Variants in CCDC167 observed in about 807,000 individuals in gnomAD.
CCDC167 encodes the protein coiled-coil domain containing 167, also known as coiled-coil domain-containing protein 167.
CCDC167 carries 15 observed loss-of-function variants against 12.7 expected under a neutral mutation model. That is an observed-to-expected ratio of 1.18 (90% confidence interval 0.79 to 1.81). The LOEUF is 1.81. Among genes scored for constraint, CCDC167 ranks in the 40% most tolerant of loss-of-function variants. The pLI, the probability that CCDC167 is intolerant of heterozygous loss-of-function variation, is 0.00. For missense variants in CCDC167, 121 were observed against 120.1 expected, an observed-to-expected ratio of 1.01 and a Z score of -0.03; for synonymous variants, 52 against 49.0, an observed-to-expected ratio of 1.06 and a Z score of -0.26.
At chr6:37,491,615 G>C (rs1762023555) in intron 1 of CCDC167, among the ~76,000 whole-genome samples, 1 of 152,284 alleles carries the variant, frequency 6.6e-6, no homozygotes, top group Admixed American at 6.5e-5. Context: ...CAGGGTAGCT[G>C]AGCCGAGCCA....
At chr6:37,488,283 C>A (rs1050068339) in intron 1 of CCDC167, among the ~76,000 whole-genome samples, 3 of 152,178 alleles carry the variant, frequency 2.0e-5, no homozygotes, top group Non-Finnish European at 2.9e-5. Context: ...GGCTACAGAG[C>A]AGAGCTGACA....
At chr6:37,498,357 A>G (rs1172854236) in intron 1 of CCDC167, among the ~76,000 whole-genome samples, 1 of 152,170 alleles carries the variant, frequency 6.6e-6, no homozygotes, top group African/African-American at 2.4e-5. Flanking sequence ...TGCAGGTTAC[A>G]AAGTCTATGT....
In CCDC167 at chr6:37,484,808, A is replaced by T. The variant is rs757640437; in HGVS notation, c.190+2T>A. On this transcript the variant is annotated splice_donor_variant, in intron 3 of 3. Coordinates refer to ENST00000373408, the MANE Select transcript of CCDC167 (RefSeq NM_138493.3). LOFTEE classifies it high-confidence loss of function. ...GCTGGTAACTGAAAGGAACTTTCTTACCGTAGTTGGAGGCTTTGTTCATTA... is the reference window on the plus strand; with the variant it reads ...GCTGGTAACTGAAAGGAACTTTCTTTCCGTAGTTGGAGGCTTTGTTCATTA... 6.2e-7 allele frequency: 1 copy of T among 1,614,142 alleles called. No individual in the cohort carries two copies. The highest frequency in any genetic ancestry group is 1.3e-5 in the African/African-American group (1 of 75,030).
In CCDC167 at chr6:37,499,874, G is replaced by T. The variant is rs1379246922; in HGVS notation, c.-11C>A. 1 of 1,614,064 alleles carries T rather than the reference G, an allele frequency of 6.2e-7. No homozygotes were observed. Among genetic ancestry groups the T allele is most frequent in the African/African-American group, 1.3e-5 (1 of 75,018 alleles). The stretch of plus-strand genomic sequence containing the variant: ...CTTCTTTTTAGTCATGTTACTTGCC[G>T]GGATCCCCCAGTCATCACTGGACGC... On this transcript the variant is annotated 5_prime_UTR_variant, in exon 1 of 4. Transcript: ENST00000373408.
At chr6:37,483,341 T>C in intron 3 of CCDC167, 52 bp from the exon 4 acceptor site, 2 of 1,263,016 alleles carry the variant, frequency 1.6e-6, no homozygotes, top group Non-Finnish European at 2.3e-6. Flanking sequence ...GGCCCGTCTG[T>C]TCTGCTCTGC....
At chr6:37,498,576 C>T (rs1762126582) in intron 1 of CCDC167, among the ~76,000 whole-genome samples, 1 of 151,352 alleles carries the variant, frequency 6.6e-6, no homozygotes, top group Non-Finnish European at 1.5e-5. Flanking sequence ...AATCCCAGCA[C>T]TTTGGGAGGC....
chr6:37,499,837 CA>C lies in CCDC167; in HGVS notation c.26del (p.Leu9ArgfsTer5). The C allele has an allele frequency of 6.2e-7, 1 of 1,614,172 alleles. No homozygotes were observed. The highest frequency in any genetic ancestry group is 8.5e-7 in the Non-Finnish European group (1 of 1,180,032). On this transcript the variant is annotated frameshift_variant, in exon 1 of 4. Transcript: ENST00000373408. LOFTEE classifies it high-confidence loss of function. The stretch of plus-strand genomic sequence containing the variant: ...TTCCCCTCACCTCTAGAGCGACGCC[CA>C]GATTCTCCCGCTTCTTTTTAGTCAT... MTKKKREN[L>X]GVALEIDGLE...
intron 1 of CCDC167, among the ~76,000 whole-genome samples, chr6:37,494,753 A>C (rs1233512945): frequency 6.6e-6 from 1 of 151,562 alleles, no homozygotes; most frequent in Admixed American, 6.6e-5. Flanking sequence ...AGAAATACCA[A>C]CTCTGACATA....
intron 1 of CCDC167, among the ~76,000 whole-genome samples, chr6:37,495,431 A>G (rs2113909950): frequency 6.6e-6 from 1 of 152,364 alleles, no homozygotes; most frequent in Admixed American, 6.5e-5. Flanking sequence ...ATCAGTTTAG[A>G]CTGAAATTCA....
Position 37,483,114 on chromosome 6 carries a change from C to T in CCDC167, c.*72G>A. On this transcript the variant is annotated 3_prime_UTR_variant, in exon 4 of 4. Transcript: ENST00000373408. ...CCCCAGCACCTTGGTCCTATTGAGGCTTGAAGTGCCTGCTTGATCCTGATC... is the reference window on the plus strand; with the variant it reads ...CCCCAGCACCTTGGTCCTATTGAGGTTTGAAGTGCCTGCTTGATCCTGATC... 1 of 1,191,384 alleles carries T rather than the reference C, an allele frequency of 8.4e-7. No homozygotes were observed. Among genetic ancestry groups the T allele is most frequent in the Non-Finnish European group, 1.3e-6 (1 of 795,694 alleles). 73.8% of individuals were successfully genotyped at this position (1,191,384 alleles called of 1,614,324 possible).
intron 1 of CCDC167, among the ~76,000 whole-genome samples, chr6:37,487,227 C>G (rs977285820): frequency 6.6e-6 from 1 of 152,228 alleles, no homozygotes; most frequent in Non-Finnish European, 1.5e-5. Flanking sequence ...TATATGTGAA[C>G]TGCCTGGTCC....
chr6:37,494,019 C>T (rs1240407376), intron 1 of CCDC167, among the ~76,000 whole-genome samples: 3 of 151,850 alleles, frequency 2.0e-5, no homozygotes, highest in Non-Finnish European at 4.4e-5. Context: ...CCATTCTCTC[C>T]CCTCAGCCTA....
At chr6:37,497,830 C>T (rs1179649644) in intron 1 of CCDC167, among the ~76,000 whole-genome samples, 1 of 152,008 alleles carries the variant, frequency 6.6e-6, no homozygotes, top group Admixed American at 6.6e-5. Flanking sequence ...ACACTCCAGC[C>T]TGGGCGAGAG....
At chr6:37,495,575 C>G in intron 1 of CCDC167, among the ~76,000 whole-genome samples, 1 of 152,154 alleles carries the variant, frequency 6.6e-6, no homozygotes, top group East Asian at 1.9e-4. Context: ...ACTCTGAGAT[C>G]TCATATGGTG....
In CCDC167 at chr6:37,484,831, T is replaced by A. The variant is rs755261513; in HGVS notation, c.169A>T (p.Met57Leu). ...TTACCGTAGTTGGAGGCTTTGTTCA[T>A]TAGGCTGTTTTTCTCCTTCTCCAGG... ...RSLEKEKNSL[M>L]NKASNYEKEL... is the part of the protein sequence containing the mutation. Residue 57 changes from methionine to leucine, a missense_variant, in exon 3 of 4, where the codon ATG becomes TTG. Met to Leu is a conservative substitution (Grantham distance 15, BLOSUM62 2). Transcript: ENST00000373408. 1 of 1,614,250 alleles carries A rather than the reference T, an allele frequency of 6.2e-7. No homozygotes were observed. Among genetic ancestry groups the A allele is most frequent in the Non-Finnish European group, 8.5e-7 (1 of 1,180,024 alleles).
Position 37,482,951 on chromosome 6 carries a change from C to T in CCDC167, c.*235G>A. 5.3e-6 allele frequency: 3 copies of T among 563,548 alleles called. No homozygotes were observed. In the East Asian group the frequency reaches 1.0e-4, roughly 19 times the overall value. The allele number at this position is 563,548 out of a possible 1,614,324, so 34.9% of individuals were successfully genotyped here. On this transcript the variant is annotated 3_prime_UTR_variant, in exon 4 of 4. Transcript: ENST00000373408. ...CAGCAGACGGGAACAGCTTTGTGTT[C>T]TTTATTGCCTCTCCCTTGGGCTAAG...
intron 1 of CCDC167, among the ~76,000 whole-genome samples, chr6:37,492,687 TCCAGCC>T (rs1188577324): frequency 6.6e-6 from 1 of 152,198 alleles, no homozygotes; most frequent in Non-Finnish European, 1.5e-5. Context: ...CTGTTTCATC[TCCAGCC>T]CCAGCAGCCT....
chr6:37,484,639 C>T (rs752745801), intron 3 of CCDC167, among the ~76,000 whole-genome samples, 171 bp downstream of exon 3: 8 of 152,374 alleles, frequency 5.3e-5, no homozygotes, highest in African/African-American at 9.6e-5. Context: ...AACAAACCTG[C>T]TCTCCCGCAG....
At chr6:37,490,463 C>A (rs1233014356) in intron 1 of CCDC167, among the ~76,000 whole-genome samples, 1 of 152,084 alleles carries the variant, frequency 6.6e-6, no homozygotes, top group East Asian at 1.9e-4. Flanking sequence ...CCAGGGGAGG[C>A]CTTAGGGAGT....
Sources: allele counts gnomAD v4.1 joint callset (sites outside exome capture counted in the v4.1 genomes callset), GRCh38; gene constraint gnomAD v4.1.1; transcripts MANE v1.5; gene names NCBI Gene and HGNC (gene_info 2026-07-23, HGNC 2026-07-21).